The following CDH6 variants were observed in gnomAD, a reference collection of about 807,000 sequenced individuals.
CDH6 encodes cadherin 6.
CDH6 carries 31 observed loss-of-function variants against 78.0 expected under a neutral mutation model. The observed-to-expected ratio is 0.40, with a 90% CI of 0.30 to 0.54. The LOEUF (loss-of-function observed/expected upper bound fraction) is 0.54. CDH6 is among the 20% of genes least tolerant of loss of function. The probability of loss-of-function intolerance (pLI) is 0.56; values close to 1 mark genes in which losing one functional copy is unlikely to be tolerated. For synonymous variants in CDH6, 376 were observed against 368.8 expected (o/e 1.02, Z -0.23); for missense variants, 724 against 975.9 (o/e 0.74, Z 3.44).
At chr5:31,318,220 C>T (rs1301796674) in intron 11 of CDH6, 1 of 579,156 alleles carries the variant, frequency 1.7e-6, no homozygotes, top group South Asian at 2.3e-5. Flanking sequence ...ATAAATGTGC[C>T]CTTTTCATTT....
chr5:31,246,828 T>C (rs896863662), intron 1 of CDH6, among the ~76,000 whole-genome samples: 3 of 152,198 alleles, frequency 2.0e-5, no homozygotes, highest in African/African-American at 7.2e-5. Flanking sequence ...TAATCTCGGC[T>C]CACTGCAACC....
At chr5:31,317,953 C>T (rs754093237) in intron 11 of CDH6, 29 bp downstream of exon 11, 13 of 1,607,144 alleles carry the variant, frequency 8.1e-6, no homozygotes, top group Non-Finnish European at 1.1e-5. Flanking sequence ...CCTCCTATCT[C>T]CCCATGGTGA....
chr5:31,264,424 T>C (rs1338491287), intron 1 of CDH6, among the ~76,000 whole-genome samples: 1 of 152,224 alleles, frequency 6.6e-6, no homozygotes, highest in Non-Finnish European at 1.5e-5. Context: ...GTGGATAGTA[T>C]CATTATCCCA....
rs766671272 is a variant in CDH6 at position 31,302,778 on chromosome 5, AAG to A, written c.999+502_999+503del. Among the ~76,000 whole-genome samples, 30 of 64,558 alleles carry A rather than the reference AAG, an allele frequency of 4.6e-4. 2 individuals carry two copies. Among genetic ancestry groups the A allele is most frequent in the African/African-American group, 1.4e-3 (29 of 20,950 alleles). 42.4% of individuals were successfully genotyped at this position (64,558 alleles called of 152,430 possible). On this transcript the variant is annotated intron_variant, in intron 6 of 11. Transcript: ENST00000265071. ...GAAAGAAAGAAAGAAAGAAAGAAGAAAGAGAGAGAGAGAGAGAGAGAGAAAGA... is the reference window on the plus strand; with the variant it reads ...GAAAGAAAGAAAGAAAGAAAGAAGAAAGAGAGAGAGAGAGAGAGAGAAAGA...
chr5:31,262,497 G>A lies in CDH6; in HGVS notation c.-128-4849G>A, dbSNP rs574815055. ...CAACAAAAAGAAAAGAAGAGACATA[G>A]TCTATTAAGCAGCCTTTTACGTCCA... On this transcript the variant is annotated intron_variant, in intron 1 of 11. Coordinates refer to ENST00000265071, the MANE Select transcript of CDH6 (RefSeq NM_004932.4). Among the ~76,000 whole-genome samples, 21 of 152,278 alleles carry A rather than the reference G, an allele frequency of 1.4e-4. No individual in the cohort carries two copies. In the South Asian group the frequency reaches 4.2e-3, roughly 30 times the overall value.
intron 6 of CDH6, 102 bp from the exon 7 acceptor site, chr5:31,305,072 A>G (rs1737945841): frequency 2.6e-6 from 3 of 1,141,320 alleles, no homozygotes; most frequent in Admixed American, 2.3e-5. Context: ...ATATGATCGC[A>G]TTCATTTATC....
intron 1 of CDH6, among the ~76,000 whole-genome samples, chr5:31,225,056 G>A (rs1741111436): frequency 6.6e-6 from 1 of 152,142 alleles, no homozygotes; most frequent in Admixed American, 6.5e-5. Context: ...GTAGAAGCCA[G>A]GGATGCCACT....
intron 11 of CDH6, chr5:31,318,835 G>A (rs1254398824): frequency 4.4e-6 from 1 of 226,068 alleles, no homozygotes; most frequent in Non-Finnish European, 8.8e-6. Flanking sequence ...ACTTTGAGAA[G>A]AGTGAAAGAG....
rs747065071 is a variant in CDH6, at chr5:31,323,125, G to A, written c.2190G>A (p.Pro730=). The part of the protein sequence containing the change: ...LKENDTDPTA[P]PYDSLATYAY... ...AAAATGACACGGACCCCACTGCCCC[G>A]CCATACGACTCCTTGGCCACTTACG... The change falls in exon 12 of 12, where the codon CCG becomes CCA. Residue 730 remains proline (P), a synonymous_variant. Transcript: ENST00000265071. 3 of 1,614,110 alleles carry A rather than the reference G, an allele frequency of 1.9e-6. No homozygotes were observed. The highest frequency in any genetic ancestry group is 2.5e-6 in the Non-Finnish European group (3 of 1,180,024).
chr5:31,206,521 A>G (rs1345337001), intron 1 of CDH6, among the ~76,000 whole-genome samples: 2 of 152,106 alleles, frequency 1.3e-5, no homozygotes, highest in Non-Finnish European at 2.9e-5. Context: ...GTTGGTCCCA[A>G]GGGAAACCTC....
In CDH6 at chr5:31,299,460, A is replaced by G; in HGVS notation, c.644-4A>G. 2 of 1,608,544 alleles carry G rather than the reference A, an allele frequency of 1.2e-6. No homozygotes were observed. Among genetic ancestry groups the G allele is most frequent in the Middle Eastern group, 1.7e-4 (1 of 6,026 alleles). On this transcript the variant is annotated splice_polypyrimidine_tract_variant and splice_region_variant and intron_variant, in intron 4 of 11. Transcript: ENST00000265071. Reference sequence around the variant, plus strand: ...CTTTGCACTCTTAAATTTCACATCCACAGGTATTATCAAGACAGCTTTGCT... The same window carrying G: ...CTTTGCACTCTTAAATTTCACATCCGCAGGTATTATCAAGACAGCTTTGCT...
rs1246667043 is a variant in CDH6 at position 31,324,856 on chromosome 5, T to G, written c.*1548T>G. On this transcript the variant is annotated 3_prime_UTR_variant, in exon 12 of 12. Transcript: ENST00000265071. ...ATCATTAGAATCTTACCTTGTGCAGTCATCAGAAATTCCAGCGTACTATAA... is the reference window on the plus strand; with the variant it reads ...ATCATTAGAATCTTACCTTGTGCAGGCATCAGAAATTCCAGCGTACTATAA... 4 of 204,780 alleles carry G rather than the reference T, an allele frequency of 2.0e-5. No individual in the cohort carries two copies. Among genetic ancestry groups the G allele is most frequent in the Non-Finnish European group, 4.0e-5 (4 of 100,182 alleles). The allele number at this position is 204,780 out of a possible 1,614,324, so 12.7% of individuals were successfully genotyped here. A position where few individuals can be genotyped will look rare whatever the true frequency, so the allele number is the denominator to read the frequency against.
In CDH6 at chr5:31,294,962, G is replaced by A. The variant is rs1180911687; in HGVS notation, c.523+706G>A. On this transcript the variant is annotated intron_variant, in intron 3 of 11. Coordinates refer to ENST00000265071, the MANE Select transcript of CDH6 (RefSeq NM_004932.4). This position sits in a 1 kb window ranked among gnomAD's most constrained non-coding sequence, Gnocchi z 4.1. Reference sequence around the variant, plus strand: ...TCTTAGCCACATTGAAATACTTCATGGGAGACACTGACAAATTTTAAACTA... The same window carrying A: ...TCTTAGCCACATTGAAATACTTCATAGGAGACACTGACAAATTTTAAACTA... Among the ~76,000 whole-genome samples, 3 of 152,132 alleles carry A rather than the reference G, an allele frequency of 2.0e-5. No individual in the cohort carries two copies. Among genetic ancestry groups the A allele is most frequent in the Admixed American group, 6.6e-5 (1 of 15,260 alleles).
chr5:31,284,560 G>A (rs1742963408), intron 2 of CDH6, among the ~76,000 whole-genome samples: 1 of 152,186 alleles, frequency 6.6e-6, no homozygotes, highest in African/African-American at 2.4e-5. Context: ...GAACAAGAAG[G>A]GGGTGGATTG....
intron 1 of CDH6, among the ~76,000 whole-genome samples, chr5:31,243,721 C>A (rs574237876): frequency 6.6e-6 from 1 of 152,332 alleles, no homozygotes; most frequent in South Asian, 2.1e-4. Context: ...ATGTCAGACA[C>A]ATCTGGACCT....
intron 1 of CDH6, among the ~76,000 whole-genome samples, chr5:31,211,596 A>C (rs1024610915): frequency 1.3e-5 from 2 of 152,220 alleles, no homozygotes; most frequent in African/African-American, 4.8e-5. Flanking sequence ...ATATAAAATG[A>C]AAAGCCAACA....
rs1029944342 is a variant in CDH6, at chr5:31,278,497, T to C, written c.228+10796T>C. On this transcript the variant is annotated intron_variant, in intron 2 of 11. Transcript: ENST00000265071. ...AATCAGACATTATTTAGGGTCTCAG[T>C]AGAAGAAAGTTTGAAACAAAATGAG... 4.6e-5 allele frequency among the ~76,000 whole-genome samples: 7 copies of C among 152,272 alleles called. No homozygotes were observed. In the South Asian group the frequency reaches 1.5e-3, roughly 32 times the overall value.
chr5:31,249,458 A>C (rs1231882572), intron 1 of CDH6: 1 of 152,244 alleles, frequency 6.6e-6, no homozygotes, highest in Non-Finnish European at 1.5e-5. Context: ...AAGCTGAGAA[A>C]AGTGTGCAAA....
At chr5:31,241,299 T>TGATA (rs10623286) in intron 1 of CDH6, among the ~76,000 whole-genome samples, 15,110 of 152,168 alleles carry the variant, frequency 0.099, 1,025 homozygotes, top group East Asian at 0.27. Context: ...TTTCCTAAGA[T>TGATA]GATAGACCCA....
Sources: gnomAD v4.1 joint callset for allele counts (sites outside exome capture counted in the v4.1 genomes callset) on GRCh38, gnomAD v4.1.1 for gene constraint, Gnocchi (gnomAD v3.1) non-coding constraint, MANE v1.5 for transcripts, NCBI Gene and HGNC (gene_info 2026-07-23, HGNC 2026-07-21) for gene names.